LYL1: variants seen among roughly 807,000 people sequenced by gnomAD.
LYL1 encodes the protein protein lyl-1.
A neutral mutation model predicts 11.1 loss-of-function variants in LYL1; 4 were observed. The observed-to-expected ratio is 0.36, with a 90% CI of 0.18 to 0.82. The LOEUF (loss-of-function observed/expected upper bound fraction) is 0.82. Ranked by LOEUF, LYL1 falls within the 40% of genes least tolerant of loss-of-function variation. LYL1 has a pLI of 0.49. For synonymous variants in LYL1, 179 were observed against 174.8 expected, an observed-to-expected ratio of 1.02 and a Z score of -0.19; for missense variants, 356 against 397.6, an observed-to-expected ratio of 0.90 and a Z score of 0.89.
rs1484656031 is a variant in LYL1, at chr19:13,099,034, C to T, written c.*285G>A. The T allele has an allele frequency of 3.2e-6, 1 of 315,298 alleles. No individual in the cohort carries two copies. Among genetic ancestry groups the T allele is most frequent in the African/African-American group, 2.1e-5 (1 of 46,978 alleles). 19.5% of individuals were successfully genotyped at this position (315,298 alleles called of 1,614,324 possible). ...GGAAAAAATGAGGCACCACTTGGGT[C>T]CTATGACTGCTCTGCCATGTTGCTT... On this transcript the variant is annotated 3_prime_UTR_variant, in exon 4 of 4. Transcript: ENST00000264824. The surrounding 1 kb of genome is among the most constrained non-coding windows in gnomAD (Gnocchi z 5.3).
At chr19:13,100,549 G>T (rs2018670724) in intron 3 of LYL1, 108 bp downstream of exon 3, 3 of 1,007,996 alleles carry the variant, frequency 3.0e-6, no homozygotes, top group East Asian at 4.8e-5. Flanking sequence ...CCCCGAGGTG[G>T]AGTAGAGGAC....
Position 13,102,798 on chromosome 19 carries a change from T to G in LYL1, c.-292A>C. On this transcript the variant is annotated 5_prime_UTR_variant, in exon 1 of 4. Transcript: ENST00000264824. The surrounding 1 kb of genome is among the most constrained non-coding windows in gnomAD (Gnocchi z 4.9). ...TTCTCCCCGCCCCCGGCGGCCCGGT[T>G]TCCTCCCTCTCACCCCTGGCGGCGC... 1 of 152,340 alleles carries G rather than the reference T, an allele frequency of 6.6e-6. No homozygotes were observed. The highest frequency in any genetic ancestry group is 1.9e-4 in the East Asian group (1 of 5,166). The allele number at this position is 152,340 out of a possible 1,614,324, so 9.4% of individuals were successfully genotyped here.
At chr19:13,100,610 G>GCA (rs1439665120) in intron 3 of LYL1, 47 bp downstream of exon 3, 26 of 1,546,904 alleles carry the variant, frequency 1.7e-5, no homozygotes, top group Non-Finnish European at 2.2e-5. Flanking sequence ...ACCCACAAGT[G>GCA]CACATACAGG....
chr19:13,099,704 A>C lies in LYL1; in HGVS notation c.458T>G (p.Val153Gly). Reference sequence around the variant, plus strand: ...CCAGCGCTCCCGGCTGTTGGTGAACACGCGCCGGGCCACCTTCTGGGGCTG... The same window carrying C: ...CCAGCGCTCCCGGCTGTTGGTGAACCCGCGCCGGGCCACCTTCTGGGGCTG... ...GHQPQKVARR[V>G]FTNSRERWRQ... The change falls in exon 4 of 4, where the codon GTG becomes GGG. Residue 153 changes from valine to glycine, a missense_variant. Transcript: ENST00000264824. The surrounding 1 kb of genome is among the most constrained non-coding windows in gnomAD (Gnocchi z 5.3). 1 of 1,546,690 alleles carries C rather than the reference A, an allele frequency of 6.5e-7. No homozygotes were observed. Among genetic ancestry groups the C allele is most frequent in the South Asian group, 1.2e-5 (1 of 82,930 alleles).
chr19:13,099,265 G>C lies in LYL1; in HGVS notation c.*54C>G. 1 of 1,231,652 alleles carries C rather than the reference G, an allele frequency of 8.1e-7. No individual in the cohort carries two copies. The allele number at this position is 1,231,652 out of a possible 1,614,324, so 76.3% of individuals were successfully genotyped here. A position where few individuals can be genotyped will look rare whatever the true frequency, so the allele number is the denominator to read the frequency against. On this transcript the variant is annotated 3_prime_UTR_variant, in exon 4 of 4. Transcript: ENST00000264824. This position sits in a 1 kb window ranked among gnomAD's most constrained non-coding sequence, Gnocchi z 5.3. ...GCACGTCCACTGCCCTTTCCTTGAC[G>C]GCCCTGGGCCGAGTCCCTGGTGCCC...
chr19:13,101,240 C>G lies in LYL1; in HGVS notation c.-24-45G>C. 6 of 784,194 alleles carry G rather than the reference C, an allele frequency of 7.7e-6. No individual in the cohort carries two copies. Among genetic ancestry groups the G allele is most frequent in the Non-Finnish European group, 1.1e-5 (6 of 538,432 alleles). 48.6% of individuals were successfully genotyped at this position (784,194 alleles called of 1,614,324 possible). Reference sequence around the variant, plus strand: ...CAGTGGGGAGGAGGACTAGGTGCCCCGCTCCCACCTGCTTAGCTCAAGAAA... The same window carrying G: ...CAGTGGGGAGGAGGACTAGGTGCCCGGCTCCCACCTGCTTAGCTCAAGAAA... On this transcript the variant is annotated intron_variant, in intron 1 of 3. Coordinates refer to ENST00000264824, the MANE Select transcript of LYL1 (RefSeq NM_005583.5). This position sits in a 1 kb window ranked among gnomAD's most constrained non-coding sequence, Gnocchi z 5.1.
Position 13,099,268 on chromosome 19 carries a change from C to T in LYL1, c.*51G>A. On this transcript the variant is annotated 3_prime_UTR_variant, in exon 4 of 4. Transcript: ENST00000264824. This position sits in a 1 kb window ranked among gnomAD's most constrained non-coding sequence, Gnocchi z 5.3. ...CGTCCACTGCCCTTTCCTTGACGGCCCTGGGCCGAGTCCCTGGTGCCCTCC... is the reference window on the plus strand; with the variant it reads ...CGTCCACTGCCCTTTCCTTGACGGCTCTGGGCCGAGTCCCTGGTGCCCTCC... 2.4e-6 allele frequency: 3 copies of T among 1,235,536 alleles called. No homozygotes were observed. Among genetic ancestry groups the T allele is most frequent in the Middle Eastern group, 2.9e-4 (1 of 3,442 alleles). 76.5% of individuals were successfully genotyped at this position (1,235,536 alleles called of 1,614,324 possible).
intron 2 of LYL1, 40 bp from the exon 3 acceptor site, chr19:13,100,788 G>T (rs374421432): frequency 1.2e-6 from 2 of 1,612,856 alleles, no homozygotes; most frequent in African/African-American, 1.3e-5. Flanking sequence ...TGTGGGCAAG[G>T]ACCCTGGCCC....
Position 13,101,151 on chromosome 19 carries a change from C to T in LYL1, c.21G>A (p.Gln7=). MCPPQA[Q]AEVGPTMTEK... is the part of the protein sequence containing the mutation. ...CAGTCATGGTGGGGCCCACCTCTGCCTGTGCCTGAGGCGGGCACATGGACC... is the reference window on the plus strand; with the variant it reads ...CAGTCATGGTGGGGCCCACCTCTGCTTGTGCCTGAGGCGGGCACATGGACC... Residue 7 remains glutamine, a synonymous_variant, in exon 2 of 4, where the codon CAG becomes CAA. Transcript: ENST00000264824. The surrounding 1 kb of genome is among the most constrained non-coding windows in gnomAD (Gnocchi z 5.1). 1 of 1,461,212 alleles carries T rather than the reference C, an allele frequency of 6.8e-7. No individual in the cohort carries two copies. The allele number at this position is 1,461,212 out of a possible 1,614,324, so 90.5% of individuals were successfully genotyped here.
chr19:13,099,589 C>G lies in LYL1; in HGVS notation c.573G>C (p.Val191=). 6.4e-7 allele frequency: 1 copy of G among 1,553,710 alleles called. No homozygotes were observed. Among genetic ancestry groups the G allele is most frequent in the Non-Finnish European group, 8.7e-7 (1 of 1,149,556 alleles). Residue 191 remains valine, a synonymous_variant, in exon 4 of 4, where the codon GTG becomes GTC. Transcript: ENST00000264824. The surrounding 1 kb of genome is among the most constrained non-coding windows in gnomAD (Gnocchi z 5.3). ...PPDRKLSKNE[V]LRLAMKYIGF... is the part of the protein sequence containing the mutation. Reference sequence around the variant, plus strand: ...CGATGTACTTCATGGCTAGGCGGAGCACCTCGTTCTTGCTCAGCTTCCGGT... The same window carrying G: ...CGATGTACTTCATGGCTAGGCGGAGGACCTCGTTCTTGCTCAGCTTCCGGT...
intron 2 of LYL1, 24 bp downstream of exon 2, chr19:13,100,813 C>A (rs547998490): frequency 6.3e-7 from 1 of 1,597,334 alleles, no homozygotes; most frequent in Non-Finnish European, 8.5e-7. Context: ...TCCCCACTGC[C>A]CCCCACCCCA....
Position 13,099,998 on chromosome 19 carries a change from GA to G in LYL1, c.428-265del, listed in dbSNP as rs2018655625. On this transcript the variant is annotated intron_variant, in intron 3 of 3. Coordinates refer to ENST00000264824, the MANE Select transcript of LYL1 (RefSeq NM_005583.5). The surrounding 1 kb of genome is among the most constrained non-coding windows in gnomAD (Gnocchi z 5.3). ...ATGTCAATGACTGAGATTCCCTAAA[GA>G]AAGATTTCCTTGTGTTTGTTTGGTC... Among the ~76,000 whole-genome samples, 1 of 152,124 alleles carries G rather than the reference GA, an allele frequency of 6.6e-6. No homozygotes were observed. Among genetic ancestry groups the G allele is most frequent in the Non-Finnish European group, 1.5e-5 (1 of 67,992 alleles).
Position 13,101,251 on chromosome 19 carries a change from G to T in LYL1, c.-24-56C>A. On this transcript the variant is annotated intron_variant, in intron 1 of 3. Transcript: ENST00000264824. This position sits in a 1 kb window ranked among gnomAD's most constrained non-coding sequence, Gnocchi z 5.1. The stretch of plus-strand genomic sequence containing the variant: ...AGGACTAGGTGCCCCGCTCCCACCT[G>T]CTTAGCTCAAGAAACCCCTCAAATG... The T allele has an allele frequency of 1.5e-6, 1 of 682,684 alleles. No homozygotes were observed. The highest frequency in any genetic ancestry group is 2.2e-6 in the Non-Finnish European group (1 of 456,096). The allele number at this position is 682,684 out of a possible 1,614,324, so 42.3% of individuals were successfully genotyped here. A position where few individuals can be genotyped will look rare whatever the true frequency, so the allele number is the denominator to read the frequency against.
rs1243383420 is a variant in LYL1 at position 13,101,141 on chromosome 19, C to A, written c.31G>T (p.Gly11Cys). The change falls in exon 2 of 4, where the codon GGC (glycine) becomes TGC (cysteine). Residue 11 changes from glycine to cysteine, a missense_variant. Gly to Cys is a radical substitution (Grantham distance 159, BLOSUM62 -3). Coordinates refer to ENST00000264824, the MANE Select transcript of LYL1 (RefSeq NM_005583.5). The surrounding 1 kb of genome is among the most constrained non-coding windows in gnomAD (Gnocchi z 5.1). MCPPQAQAEVGPTMTEKAEMV... is the reference protein window; with the variant it reads MCPPQAQAEVCPTMTEKAEMV... ...TCTGCCTTCTCAGTCATGGTGGGGC[C>A]CACCTCTGCCTGTGCCTGAGGCGGG... 5.5e-6 allele frequency: 8 copies of A among 1,466,890 alleles called. No homozygotes were observed. The highest frequency in any genetic ancestry group is 7.2e-6 in the Non-Finnish European group (8 of 1,113,044). The allele number at this position is 1,466,890 out of a possible 1,614,324, so 90.9% of individuals were successfully genotyped here.
rs1353316973 is a variant in LYL1 at position 13,101,220 on chromosome 19, GGGA to G, written c.-24-28_-24-26del. The G allele has an allele frequency of 1.3e-5, 14 of 1,119,670 alleles. No individual in the cohort carries two copies. Among genetic ancestry groups the G allele is most frequent in the Non-Finnish European group, 1.7e-5 (14 of 828,450 alleles). 69.4% of individuals were successfully genotyped at this position (1,119,670 alleles called of 1,614,324 possible). A position where few individuals can be genotyped will look rare whatever the true frequency, so the allele number is the denominator to read the frequency against. On this transcript the variant is annotated intron_variant, in intron 1 of 3. Coordinates refer to ENST00000264824, the MANE Select transcript of LYL1 (RefSeq NM_005583.5). The surrounding 1 kb of genome is among the most constrained non-coding windows in gnomAD (Gnocchi z 5.1). ...CCTGTGGGAAAGAAGGCAGCCAGTGGGGAGGAGGACTAGGTGCCCCGCTCCCAC... is the reference window on the plus strand; with the variant it reads ...CCTGTGGGAAAGAAGGCAGCCAGTGGGGAGGACTAGGTGCCCCGCTCCCAC...
Position 13,099,142 on chromosome 19 carries a change from C to A in LYL1, c.*177G>T, listed in dbSNP as rs1000947147. 3.2e-5 allele frequency: 16 copies of A among 500,476 alleles called. No individual in the cohort carries two copies. The highest frequency in any genetic ancestry group is 4.7e-5 in the Non-Finnish European group (15 of 322,398). 31.0% of individuals were successfully genotyped at this position (500,476 alleles called of 1,614,324 possible). On this transcript the variant is annotated 3_prime_UTR_variant, in exon 4 of 4. Transcript: ENST00000264824. The surrounding 1 kb of genome is among the most constrained non-coding windows in gnomAD (Gnocchi z 5.3). The stretch of plus-strand genomic sequence containing the variant: ...TGATTTTTTTAAGGGTCTGCGGGTC[C>A]CTTGGGGGTCGATGATCACCCTTCC...
At position 13,101,314 on chromosome 19, in the gene LYL1, A is replaced by G. The variant is rs1003392; in HGVS notation, c.-24-119T>C. 28,001 of 410,076 alleles carry G rather than the reference A, an allele frequency of 0.068. 2,241 individuals are homozygous for G. The highest frequency in any genetic ancestry group is 0.26 in the African/African-American group (12,286 of 47,426). The allele number at this position is 410,076 out of a possible 1,614,324, so 25.4% of individuals were successfully genotyped here. Reference sequence around the variant, plus strand: ...GGGGAGGGGGAAAGGAGGAGGAGAGAAGTTTCAGTAGGCAAAGGCAGATGG... The same window carrying G: ...GGGGAGGGGGAAAGGAGGAGGAGAGGAGTTTCAGTAGGCAAAGGCAGATGG... On this transcript the variant is annotated intron_variant, in intron 1 of 3. Coordinates refer to ENST00000264824, the MANE Select transcript of LYL1 (RefSeq NM_005583.5). This position sits in a 1 kb window ranked among gnomAD's most constrained non-coding sequence, Gnocchi z 5.1.
rs970057309 is a variant in LYL1 at position 13,102,668 on chromosome 19, C to T, written c.-162G>A. The stretch of plus-strand genomic sequence containing the variant: ...GGTCCGGCCTCAATGCTCCAGGCCC[C>T]GGCGTTGGGCCGCGCCTCCTCGTGG... On this transcript the variant is annotated 5_prime_UTR_variant, in exon 1 of 4. Transcript: ENST00000264824. The surrounding 1 kb of genome is among the most constrained non-coding windows in gnomAD (Gnocchi z 4.9). 1.1e-4 allele frequency: 18 copies of T among 163,690 alleles called. No homozygotes were observed. Among genetic ancestry groups the T allele is most frequent in the Non-Finnish European group, 2.4e-4 (18 of 74,412 alleles). The allele number at this position is 163,690 out of a possible 1,614,324, so 10.1% of individuals were successfully genotyped here.
Position 13,099,565 on chromosome 19 carries a change from G to A in LYL1, c.597C>T (p.Ile199=), listed in dbSNP as rs1346252512. The part of the protein sequence containing the change: ...NEVLRLAMKY[I]GFLVRLLRDQ... ...CGCGCAGCAGCCGCACCAGGAAGCC[G>A]ATGTACTTCATGGCTAGGCGGAGCA... The change falls in exon 4 of 4, where the codon ATC becomes ATT. Residue 199 remains isoleucine, a synonymous_variant. Coordinates refer to ENST00000264824, the MANE Select transcript of LYL1 (RefSeq NM_005583.5). This position sits in a 1 kb window ranked among gnomAD's most constrained non-coding sequence, Gnocchi z 5.3. The A allele has an allele frequency of 5.2e-6, 8 of 1,538,624 alleles. No individual in the cohort carries two copies. Among genetic ancestry groups the A allele is most frequent in the Non-Finnish European group, 7.0e-6 (8 of 1,141,852 alleles).
Sources: gnomAD v4.1 joint callset for allele counts (sites outside exome capture counted in the v4.1 genomes callset) on GRCh38, gnomAD v4.1.1 for gene constraint, Gnocchi (gnomAD v3.1) non-coding constraint, MANE v1.5 for transcripts, NCBI Gene and HGNC (gene_info 2026-07-23, HGNC 2026-07-21) for gene names.